The following GPC6 variants were observed in gnomAD, a reference collection of about 807,000 sequenced individuals.
GPC6 encodes glypican 6.
Under a neutral mutation model 55.2 loss-of-function variants are expected in GPC6, and 14 were observed. The observed-to-expected ratio is 0.25, with a 90% CI of 0.17 to 0.40. The LOEUF (loss-of-function observed/expected upper bound fraction) is 0.40, where lower values mean the gene tolerates loss of function less well. Ranked by LOEUF, GPC6 falls within the 10% of genes least tolerant of loss-of-function variation. The pLI, the probability that GPC6 is intolerant of heterozygous loss-of-function variation, is 1.00. For missense variants in GPC6, 641 were observed against 708.5 expected, an observed-to-expected ratio of 0.90 and a Z score of 1.08; for synonymous variants, 278 against 259.6, an observed-to-expected ratio of 1.07 and a Z score of -0.68.
intron 3 of GPC6, among the ~76,000 whole-genome samples, chr13:93,891,711 T>C (rs1348795722): frequency 2.0e-5 from 3 of 152,126 alleles, no homozygotes; most frequent in African/African-American, 7.2e-5. Flanking sequence ...GTATAGTGTA[T>C]GTGTGCATAC....
intron 2 of GPC6, among the ~76,000 whole-genome samples, chr13:93,656,798 A>G (rs767706563): frequency 3.9e-5 from 6 of 152,230 alleles, no homozygotes; most frequent in South Asian, 2.1e-4. Context: ...TAGCATTTCT[A>G]TACACCAATA....
At chr13:93,552,286 T>C (rs1213012813) in intron 2 of GPC6, among the ~76,000 whole-genome samples, 2 of 152,214 alleles carry the variant, frequency 1.3e-5, no homozygotes, top group Non-Finnish European at 2.9e-5. Flanking sequence ...AGATTTTGGC[T>C]TTGACAGAGC....
chr13:94,192,934 A>T (rs1166792734), intron 4 of GPC6, among the ~76,000 whole-genome samples: 1 of 152,154 alleles, frequency 6.6e-6, no homozygotes, highest in East Asian at 1.9e-4. Context: ...ATGATGGTTT[A>T]ATGTGAGGTG....
At chr13:93,438,361 T>G (rs1877652128) in intron 1 of GPC6, among the ~76,000 whole-genome samples, 1 of 152,152 alleles carries the variant, frequency 6.6e-6, no homozygotes, top group South Asian at 2.1e-4. Flanking sequence ...CTGGGCAAAG[T>G]CAATTGAAAA....
At chr13:93,526,901 G>A in intron 1 of GPC6, among the ~76,000 whole-genome samples, 1 of 152,078 alleles carries the variant, frequency 6.6e-6, no homozygotes, top group South Asian at 2.1e-4. Flanking sequence ...ATCATAGGAT[G>A]TGTGTAACTG....
intron 2 of GPC6, among the ~76,000 whole-genome samples, chr13:93,664,961 G>T (rs888372030): frequency 6.6e-6 from 1 of 152,180 alleles, no homozygotes; most frequent in Non-Finnish European, 1.5e-5. Context: ...GTTATTCTCA[G>T]TGTTGAAAAA....
intron 4 of GPC6, among the ~76,000 whole-genome samples, chr13:94,098,714 TA>T (rs1463512791): frequency 6.6e-6 from 1 of 152,156 alleles, no homozygotes; most frequent in Non-Finnish European, 1.5e-5. Context: ...TCAACTTTCG[TA>T]TGCTGTAGTC....
At chr13:93,374,587 C>T (rs981602737) in intron 1 of GPC6, among the ~76,000 whole-genome samples, 4 of 152,178 alleles carry the variant, frequency 2.6e-5, no homozygotes, top group Non-Finnish European at 5.9e-5. Flanking sequence ...ACTACTGTGG[C>T]CTTTGCAGAT....
chr13:93,862,896 T>A (rs1888858425), intron 3 of GPC6, among the ~76,000 whole-genome samples: 1 of 151,656 alleles, frequency 6.6e-6, no homozygotes, highest in Non-Finnish European at 1.5e-5. Context: ...TTTCATAACA[T>A]CTTTTAAGAT....
At chr13:94,034,781 G>T (rs1883277219) in intron 4 of GPC6, among the ~76,000 whole-genome samples, 1 of 151,978 alleles carries the variant, frequency 6.6e-6, no homozygotes, top group Non-Finnish European at 1.5e-5. Flanking sequence ...AGATTTTCAA[G>T]ATGAGATTTA....
intron 4 of GPC6, among the ~76,000 whole-genome samples, chr13:94,096,739 A>G (rs905548172): frequency 2.6e-5 from 4 of 152,202 alleles, no homozygotes; most frequent in African/African-American, 4.8e-5. Context: ...GGCAAACAGA[A>G]TATTCACCTA....
Position 94,152,346 on chromosome 13 carries a change from A to G in GPC6, c.877+124452A>G, listed in dbSNP as rs892842341. ...ACATGAGTTTGAACCCAATCCAGTCAATCATTGCTTGGGTGATCTTGGGTA... is the reference window on the plus strand; with the variant it reads ...ACATGAGTTTGAACCCAATCCAGTCGATCATTGCTTGGGTGATCTTGGGTA... On this transcript the variant is annotated intron_variant, in intron 4 of 8. Transcript: ENST00000377047. 7.2e-5 allele frequency among the ~76,000 whole-genome samples: 11 copies of G among 152,202 alleles called. 1 individual carries two copies. Among genetic ancestry groups the G allele is most frequent in the Non-Finnish European group, 1.0e-4 (7 of 68,040 alleles).
chr13:94,114,885 T>C (rs1020704821), intron 4 of GPC6, among the ~76,000 whole-genome samples: 3 of 152,156 alleles, frequency 2.0e-5, no homozygotes, highest in African/African-American at 7.2e-5. Flanking sequence ...TTTTCCATTT[T>C]GCAGGTTTAG....
chr13:93,787,644 A>C (rs569820430), intron 2 of GPC6, among the ~76,000 whole-genome samples: 2 of 152,210 alleles, frequency 1.3e-5, no homozygotes, highest in Non-Finnish European at 2.9e-5. Flanking sequence ...TGGGATATCC[A>C]TCACCTTAAA....
At position 93,422,959 on chromosome 13, in the gene GPC6, G is replaced by A. The variant is rs545381408; in HGVS notation, c.161-122304G>A. 3.3e-5 allele frequency among the ~76,000 whole-genome samples: 5 copies of A among 152,238 alleles called. No homozygotes were observed. In the South Asian group the frequency reaches 1.0e-3, roughly 32 times the overall value. On this transcript the variant is annotated intron_variant, in intron 1 of 8. Transcript: ENST00000377047. ...ACTGTTTTCCATATAAATTTGTGCT[G>A]AAAAGGAAATGTTGGTTGCTTAGGA...
At chr13:93,473,527 A>G (rs535877401) in intron 1 of GPC6, among the ~76,000 whole-genome samples, 16 of 152,322 alleles carry the variant, frequency 1.1e-4, no homozygotes, top group East Asian at 1.9e-4. Flanking sequence ...CTGAGGGTGC[A>G]GAATCCAGAG....
intron 4 of GPC6, among the ~76,000 whole-genome samples, chr13:94,196,967 T>C (rs1181426531): frequency 6.6e-6 from 1 of 152,232 alleles, no homozygotes; most frequent in Admixed American, 6.5e-5. Flanking sequence ...ATGGAATAAA[T>C]ATCTCTGCTG....
chr13:93,982,820 T>C (rs1325976311), intron 3 of GPC6, among the ~76,000 whole-genome samples: 1 of 152,176 alleles, frequency 6.6e-6, no homozygotes, highest in Non-Finnish European at 1.5e-5. Flanking sequence ...AAGACAGTCC[T>C]TTCTGTTTCT....
At chr13:94,277,413 G>T (rs1297293580) in intron 4 of GPC6, among the ~76,000 whole-genome samples, 1 of 151,944 alleles carries the variant, frequency 6.6e-6, no homozygotes, top group South Asian at 2.1e-4. Flanking sequence ...TTCTTTTGCT[G>T]TGCAGAAGCT....
Sources: allele counts gnomAD v4.1 joint callset (sites outside exome capture counted in the v4.1 genomes callset), GRCh38; gene constraint gnomAD v4.1.1; transcripts MANE v1.5; gene names NCBI Gene and HGNC (gene_info 2026-07-23, HGNC 2026-07-21).